The following SLC2A9 variants were observed in gnomAD, a reference collection of about 807,000 sequenced individuals.
SLC2A9 encodes the protein solute carrier family 2, facilitated glucose transporter member 9.
Under a neutral mutation model 50.6 loss-of-function variants are expected in SLC2A9, and 39 were observed. That is an observed-to-expected ratio of 0.77 (90% CI 0.60 to 1.01). The LOEUF (loss-of-function observed/expected upper bound fraction) is 1.01, where lower values mean the gene tolerates loss of function less well. SLC2A9 is among the 50% of genes least tolerant of loss of function. The pLI is 0.00. For synonymous variants in SLC2A9, 324 were observed against 276.9 expected, an observed-to-expected ratio of 1.17 and a Z score of -1.69; for missense variants, 686 against 677.6, an observed-to-expected ratio of 1.01 and a Z score of -0.14.
At chr4:9,781,345 C>CTCGCG (rs1384403018) in intron 3 of SLC2A9, among the ~76,000 whole-genome samples, 4 of 152,362 alleles carry the variant, frequency 2.6e-5, no homozygotes, top group African/African-American at 9.6e-5. Flanking sequence ...TCCGGAAGCC[C>CTCGCG]TCGCGTCCTC....
chr4:9,902,805 C>G (rs1237236061), intron 8 of SLC2A9, among the ~76,000 whole-genome samples: 1 of 152,214 alleles, frequency 6.6e-6, no homozygotes, highest in Non-Finnish European at 1.5e-5. Context: ...TAACTAATTA[C>G]AACTGCAATG....
At chr4:9,888,731 C>A (rs568898866) in intron 9 of SLC2A9, among the ~76,000 whole-genome samples, 2 of 151,990 alleles carry the variant, frequency 1.3e-5, no homozygotes, top group Non-Finnish European at 2.9e-5. Flanking sequence ...TAAGAGGGCA[C>A]CATCGGCGGG....
chr4:9,926,357 G>A (rs576672246), intron 6 of SLC2A9, among the ~76,000 whole-genome samples: 1 of 149,880 alleles, frequency 6.7e-6, no homozygotes, highest in East Asian at 2.0e-4. Flanking sequence ...CGGGGCCAAT[G>A]GGTGCTCACA....
intron 2 of SLC2A9, among the ~76,000 whole-genome samples, chr4:10,013,521 G>A (rs1048350837): frequency 7.9e-5 from 12 of 152,166 alleles, no homozygotes; most frequent in Admixed American, 3.3e-4. Flanking sequence ...CAGTTTCCTC[G>A]CCTTTAAAAG....
intron 2 of SLC2A9, among the ~76,000 whole-genome samples, chr4:10,001,791 A>T (rs1288711878): frequency 6.6e-6 from 1 of 152,192 alleles, no homozygotes; most frequent in African/African-American, 2.4e-5. Flanking sequence ...TCTATTGGAC[A>T]TTTATCTGCC....
chr4:9,915,300 C>T (rs534476299), intron 7 of SLC2A9, among the ~76,000 whole-genome samples: 1 of 152,316 alleles, frequency 6.6e-6, no homozygotes, highest in African/African-American at 2.4e-5. Context: ...TGCAATGGTG[C>T]GATCTCAGCT....
At chr4:9,915,113 C>G (rs1352943205) in intron 7 of SLC2A9, among the ~76,000 whole-genome samples, 1 of 152,200 alleles carries the variant, frequency 6.6e-6, no homozygotes, top group Non-Finnish European at 1.5e-5. Flanking sequence ...TCACCCAGGA[C>G]TACACAGCTG....
In SLC2A9 at chr4:9,920,509, C is replaced by T. The variant is rs759176425; in HGVS notation, c.878G>A (p.Ser293Asn). 6.2e-7 allele frequency: 1 copy of T among 1,614,202 alleles called. No homozygotes were observed. Among genetic ancestry groups the T allele is most frequent in the Non-Finnish European group, 8.5e-7 (1 of 1,180,036 alleles). ...SQEVEEVLAE[S>N]RVQRSIRLVS... Reference sequence around the variant, plus strand: ...CAGGCGGATGCTCCTCTGCACGCGGCTCTCAGCCAGGACCTCCTCTACCTC... The same window carrying T: ...CAGGCGGATGCTCCTCTGCACGCGGTTCTCAGCCAGGACCTCCTCTACCTC... The change falls in exon 7 of 12, where the codon AGC becomes AAC. Residue 293 changes from serine (S) to asparagine (N), a missense_variant. Ser to Asn is a conservative substitution (Grantham distance 46). Coordinates refer to ENST00000264784, the MANE Select transcript of SLC2A9 (RefSeq NM_020041.3).
chr4:10,024,647 A>G (rs182390548), upstream of SLC2A9, among the ~76,000 whole-genome samples: 1 of 152,182 alleles, frequency 6.6e-6, no homozygotes, highest in Admixed American at 6.5e-5. Context: ...CAGCAAACCC[A>G]CAGTGTCCTA....
chr4:9,921,360 G>C (rs1301508179), intron 6 of SLC2A9, among the ~76,000 whole-genome samples: 1 of 152,054 alleles, frequency 6.6e-6, no homozygotes, highest in East Asian at 1.9e-4. Context: ...GCTTGAAGGC[G>C]GGCTGACTGA....
chr4:9,950,146 C>T (rs1200284393), intron 5 of SLC2A9, among the ~76,000 whole-genome samples: 1 of 152,184 alleles, frequency 6.6e-6, no homozygotes, highest in African/African-American at 2.4e-5. Context: ...AGTAAGATGG[C>T]TCAATTCATT....
intron 5 of SLC2A9, among the ~76,000 whole-genome samples, chr4:9,949,856 C>CAT (rs1156989326): frequency 2.0e-5 from 3 of 152,202 alleles, no homozygotes; most frequent in African/African-American, 7.2e-5. Flanking sequence ...ACTCACATTC[C>CAT]ATAGGGTTGC....
At chr4:9,831,005 C>T (rs1021519505) in intron 11 of SLC2A9, among the ~76,000 whole-genome samples, 9 of 152,146 alleles carry the variant, frequency 5.9e-5, no homozygotes, top group African/African-American at 1.7e-4. Context: ...CAGGGCCCTC[C>T]GCTAATACAT....
chr4:9,861,136 T>C (rs181498770), intron 10 of SLC2A9, among the ~76,000 whole-genome samples: 1 of 152,292 alleles, frequency 6.6e-6, no homozygotes, highest in East Asian at 1.9e-4. Flanking sequence ...AGAGGTTTAA[T>C]TGGCTCACGG....
chr4:9,929,109 A>G (rs1745425274), intron 6 of SLC2A9, among the ~76,000 whole-genome samples: 1 of 152,232 alleles, frequency 6.6e-6, no homozygotes, highest in South Asian at 2.1e-4. Context: ...TTGCAATAAC[A>G]TTGGTCACCA....
intron 7 of SLC2A9, among the ~76,000 whole-genome samples, chr4:9,912,921 C>T (rs1168124457): frequency 6.6e-6 from 1 of 152,154 alleles, no homozygotes. Flanking sequence ...GGATCAGATT[C>T]AGAGAGAAGA....
intron 8 of SLC2A9, among the ~76,000 whole-genome samples, chr4:9,903,153 T>C (rs1178947302): frequency 2.0e-5 from 3 of 152,198 alleles, no homozygotes; most frequent in Non-Finnish European, 4.4e-5. Flanking sequence ...TCACACGGGC[T>C]GGATCCAGTG....
intron 5 of SLC2A9, among the ~76,000 whole-genome samples, chr4:9,973,014 A>T (rs1071988): frequency 6.6e-6 from 1 of 151,982 alleles, no homozygotes; most frequent in Non-Finnish European, 1.5e-5. Flanking sequence ...CCAAAAGTTC[A>T]TTATTTGAAA....
At chr4:9,979,059 C>T (rs1251778880) in intron 5 of SLC2A9, among the ~76,000 whole-genome samples, 1 of 152,146 alleles carries the variant, frequency 6.6e-6, no homozygotes, top group Non-Finnish European at 1.5e-5. Context: ...AGAATTAGCC[C>T]CTTCTCTCCA....
Sources: gnomAD v4.1 joint callset for allele counts (sites outside exome capture counted in the v4.1 genomes callset) on GRCh38, gnomAD v4.1.1 for gene constraint, MANE v1.5 for transcripts, NCBI Gene and HGNC (gene_info 2026-07-23, HGNC 2026-07-21) for gene names.